The following PPP6R2 variants were observed in gnomAD, a reference collection of about 807,000 sequenced individuals.
PPP6R2 encodes the protein serine/threonine-protein phosphatase 6 regulatory subunit 2.
A neutral mutation model predicts 100.2 loss-of-function variants in PPP6R2; 62 were observed. The observed-to-expected ratio is 0.62, with a 90% confidence interval of 0.50 to 0.76. PPP6R2 has a LOEUF of 0.76. Ranked by LOEUF, PPP6R2 falls within the 30% of genes least tolerant of loss-of-function variation. The pLI is 0.00. For synonymous variants in PPP6R2, 525 were observed against 514.7 expected, an observed-to-expected ratio of 1.02 and a Z score of -0.27; for missense variants, 1,142 against 1,276.3, an observed-to-expected ratio of 0.89 and a Z score of 1.60.
At chr22:50,410,610 C>G (rs2059611687) in intron 4 of PPP6R2, among the ~76,000 whole-genome samples, 1 of 150,508 alleles carries the variant, frequency 6.6e-6, no homozygotes, top group African/African-American at 2.4e-5. Flanking sequence ...CCTCAGCCTC[C>G]CGTCTGGGGG....
intron 2 of PPP6R2, among the ~76,000 whole-genome samples, chr22:50,374,116 C>T (rs934104247): frequency 4.6e-5 from 7 of 152,092 alleles, no homozygotes; most frequent in Admixed American, 2.0e-4. Context: ...ACTCCTGGGC[C>T]GAAGTGATCC....
intron 11 of PPP6R2, 108 bp from the exon 12 acceptor site, chr22:50,432,157 C>A: frequency 3.0e-6 from 3 of 1,014,488 alleles, no homozygotes; most frequent in East Asian, 2.6e-5. Context: ...CCTGCAAAGT[C>A]CACACAGACG....
the PPP6R2 span, among the ~76,000 whole-genome samples, chr22:50,336,994 A>G: frequency 6.6e-6 from 1 of 152,154 alleles, no homozygotes; most frequent in African/African-American, 2.4e-5. Context: ...TAATATTTTT[A>G]TATCAAACTT....
intron 1 of PPP6R2, among the ~76,000 whole-genome samples, chr22:50,361,783 G>A (rs562430581): frequency 1.3e-5 from 2 of 152,046 alleles, no homozygotes; most frequent in Non-Finnish European, 2.9e-5. Context: ...GCATAGGTGC[G>A]CTGTCTGTCT....
intron 1 of PPP6R2, among the ~76,000 whole-genome samples, chr22:50,355,444 T>A (rs2148192756): frequency 6.6e-6 from 1 of 151,764 alleles, no homozygotes; most frequent in African/African-American, 2.4e-5. Flanking sequence ...TTCACTGTGG[T>A]CTCGATCTCC....
intron 19 of PPP6R2, 89 bp from the exon 20 acceptor site, chr22:50,439,612 G>A: frequency 1.4e-6 from 2 of 1,398,180 alleles, no homozygotes; most frequent in Non-Finnish European, 1.9e-6. Context: ...CAACCTCTGA[G>A]GGGCTCCCGG....
At chr22:50,339,179 G>A (rs1013882681), upstream of PPP6R2, among the ~76,000 whole-genome samples, 3 of 145,610 alleles carry the variant, frequency 2.1e-5, no homozygotes, top group Non-Finnish European at 4.5e-5. Flanking sequence ...TGTGGTGTGC[G>A]TGTGGTATGT....
chr22:50,422,569 C>T (rs962609399), intron 9 of PPP6R2, among the ~76,000 whole-genome samples, 189 bp downstream of exon 9: 2 of 152,174 alleles, frequency 1.3e-5, no homozygotes, highest in African/African-American at 4.8e-5. Flanking sequence ...CAGGACTGCC[C>T]CTCCCAGATC....
intron 5 of PPP6R2, among the ~76,000 whole-genome samples, chr22:50,415,197 T>G (rs12162782): frequency 0.35 from 53,244 of 152,172 alleles, 10,076 homozygotes; most frequent in East Asian, 0.74. Flanking sequence ...GCCCCCCAGA[T>G]AAGCCCAGGA....
chr22:50,396,862 G>A (rs2057007945), intron 3 of PPP6R2, among the ~76,000 whole-genome samples: 1 of 152,176 alleles, frequency 6.6e-6, no homozygotes, highest in Admixed American at 6.5e-5. Context: ...GGAACTGAGG[G>A]TTAGGGTGGG....
Position 50,416,006 on chromosome 22 carries a change from G to T in PPP6R2, c.553-86G>T. The T allele has an allele frequency of 1.6e-6, 2 of 1,230,242 alleles. 1 individual carries two copies. Among genetic ancestry groups the T allele is most frequent in the South Asian group, 2.5e-5 (2 of 81,504 alleles). 76.2% of individuals were successfully genotyped at this position (1,230,242 alleles called of 1,614,324 possible). A position where few individuals can be genotyped will look rare whatever the true frequency, so the allele number is the denominator to read the frequency against. On this transcript the variant is annotated intron_variant, in intron 5 of 23. Transcript: ENST00000612753. The stretch of plus-strand genomic sequence containing the variant: ...AAAGAGTCTATATTCTAGAAAACGG[G>T]TGCAGTGCTGCACCAAAGGGGAAAG...
intron 1 of PPP6R2, among the ~76,000 whole-genome samples, chr22:50,370,480 G>A (rs577115592): frequency 3.1e-3 from 469 of 151,576 alleles, no homozygotes; most frequent in Middle Eastern, 6.8e-3. Context: ...GTAGAGATGG[G>A]GTTTCACTAT....
At chr22:50,384,969 A>C (rs1305781052) in intron 2 of PPP6R2, among the ~76,000 whole-genome samples, 1 of 152,032 alleles carries the variant, frequency 6.6e-6, no homozygotes, top group Non-Finnish European at 1.5e-5. Context: ...GCTGGTCTCA[A>C]ACTCCTGGCC....
intron 15 of PPP6R2, 32 bp downstream of exon 15, chr22:50,437,100 G>A (rs781644235): frequency 1.0e-5 from 16 of 1,538,928 alleles, no homozygotes; most frequent in Admixed American, 3.9e-5. Flanking sequence ...GCACCCTGCC[G>A]GGCCCTTCCC....
At chr22:50,439,462 A>G (rs1463284306) in intron 19 of PPP6R2, among the ~76,000 whole-genome samples, 1 of 152,140 alleles carries the variant, frequency 6.6e-6, no homozygotes, top group African/African-American at 2.4e-5. Flanking sequence ...GGGGGCCCTC[A>G]GGCACCTGAC....
chr22:50,339,206 GGT>G (rs888208245), upstream of PPP6R2, among the ~76,000 whole-genome samples: 4 of 145,774 alleles, frequency 2.7e-5, no homozygotes, highest in Admixed American at 6.9e-5. Flanking sequence ...TGTTGTATGT[GGT>G]GTGTGTGTAG....
intron 1 of PPP6R2, among the ~76,000 whole-genome samples, chr22:50,354,115 G>A (rs1419892683): frequency 6.6e-6 from 1 of 152,034 alleles, no homozygotes; most frequent in Admixed American, 6.6e-5. Context: ...GACCACCGTG[G>A]CCAACATGGT....
At chr22:50,417,695 G>A (rs1029643188) in intron 6 of PPP6R2, among the ~76,000 whole-genome samples, 7 of 152,010 alleles carry the variant, frequency 4.6e-5, no homozygotes, top group Non-Finnish European at 1.0e-4. Flanking sequence ...CAAGGAGGCC[G>A]CCCTGCCTGA....
intron 4 of PPP6R2, among the ~76,000 whole-genome samples, chr22:50,408,000 C>T (rs1229817149): frequency 3.9e-5 from 6 of 152,304 alleles, no homozygotes; most frequent in Admixed American, 3.3e-4. Flanking sequence ...CCTCCCACCT[C>T]GGCCTCCTGA....
Sources: gnomAD v4.1 joint callset for allele counts (sites outside exome capture counted in the v4.1 genomes callset) on GRCh38, gnomAD v4.1.1 for gene constraint, MANE v1.5 for transcripts, NCBI Gene and HGNC (gene_info 2026-07-23, HGNC 2026-07-21) for gene names.